The following LINGO1 variants were observed in gnomAD, a reference collection of about 807,000 sequenced individuals.
The protein encoded by LINGO1 is leucine rich repeat and Ig domain containing 1.
Under a neutral mutation model 37.3 loss-of-function variants are expected in LINGO1, and 11 were observed. The observed-to-expected ratio is 0.29, with a 90% CI of 0.19 to 0.49. The LOEUF is 0.49. Among genes scored for constraint, LINGO1 ranks in the 20% least tolerant of loss-of-function variants. The pLI is 0.99. For synonymous variants in LINGO1, 387 were observed against 403.0 expected (o/e 0.96, Z 0.48); for missense variants, 585 against 878.2 (o/e 0.67, Z 4.22).
rs769035783 is a variant in LINGO1, at chr15:77,614,944, C to A, written c.963G>T (p.Gly321=). ...LRLQEIQLVG[G]QLAVVEPYAF... is the part of the protein sequence containing the mutation. Reference sequence around the variant, plus strand: ...CATAGGGCTCCACCACGGCCAGCTGCCCGCCCACCAGCTGGATCTCCTGCA... The same window carrying A: ...CATAGGGCTCCACCACGGCCAGCTGACCGCCCACCAGCTGGATCTCCTGCA... The change falls in exon 2 of 2, where the codon GGG becomes GGT. Residue 321 remains glycine (G), a synonymous_variant. Transcript: ENST00000355300. 3.1e-6 allele frequency: 5 copies of A among 1,613,802 alleles called. No individual in the cohort carries two copies. Among genetic ancestry groups the A allele is most frequent in the Non-Finnish European group, 3.4e-6 (4 of 1,179,828 alleles).
intron 2 of LINGO1, among the ~76,000 whole-genome samples, chr15:77,685,626 G>A (rs912918253): frequency 1.3e-5 from 2 of 151,962 alleles, no homozygotes; most frequent in Non-Finnish European, 2.9e-5. Flanking sequence ...GGGAGGCTGA[G>A]GCGGGAAGAT....
Position 77,632,358 on chromosome 15 carries a change from A to C in LINGO1, c.-43T>G. 1.4e-6 allele frequency: 2 copies of C among 1,405,894 alleles called. No homozygotes were observed. Among genetic ancestry groups the C allele is most frequent in the Non-Finnish European group, 1.9e-6 (2 of 1,077,180 alleles). The allele number at this position is 1,405,894 out of a possible 1,614,324, so 87.1% of individuals were successfully genotyped here. A position where few individuals can be genotyped will look rare whatever the true frequency, so the allele number is the denominator to read the frequency against. On this transcript the variant is annotated 5_prime_UTR_variant, in exon 1 of 2. The change abolishes an upstream ATG in the 5' untranslated region. Coordinates refer to ENST00000355300, the MANE Select transcript of LINGO1 (RefSeq NM_032808.7). The surrounding 1 kb of genome is among the most constrained non-coding windows in gnomAD (Gnocchi z 6.0). ...TCCGCTCGGCTCGGTCACCAATCGC[A>C]TGTCTCTCCAGCCGGCCCGACCAGG...
intron 1 of LINGO1, among the ~76,000 whole-genome samples, chr15:77,740,418 A>G (rs2076251304): frequency 6.6e-6 from 1 of 152,050 alleles, no homozygotes. Context: ...TCTTGTCTCC[A>G]GCTTCTCCCT....
At chr15:77,759,558 G>A (rs1464447226) in intron 1 of LINGO1, among the ~76,000 whole-genome samples, 1 of 152,240 alleles carries the variant, frequency 6.6e-6, no homozygotes, top group Non-Finnish European at 1.5e-5. Context: ...CAGGACCAGT[G>A]CCCAGCACAC....
At chr15:77,800,432 C>T (rs1450940998) in intron 1 of LINGO1, among the ~76,000 whole-genome samples, 1 of 152,160 alleles carries the variant, frequency 6.6e-6, no homozygotes, top group African/African-American at 2.4e-5. Context: ...CCAAAGCCAG[C>T]TGGACAGAGG....
At chr15:77,659,413 C>G (rs371948519) in intron 3 of LINGO1, among the ~76,000 whole-genome samples, 1 of 152,126 alleles carries the variant, frequency 6.6e-6, no homozygotes, top group East Asian at 1.9e-4. Flanking sequence ...CAAGGACCCT[C>G]AAGCAGAGGT....
chr15:77,699,371 T>C (rs2075739223), upstream of LINGO1, among the ~76,000 whole-genome samples: 2 of 1,040 alleles, frequency 1.9e-3, no homozygotes, highest in African/African-American at 7.9e-3. Flanking sequence ...CTAACCATCA[T>C]CAGCACACAA....
At chr15:77,738,803 GGAAGGAAGGAAA>G (rs746100590) in intron 1 of LINGO1, among the ~76,000 whole-genome samples, 3 of 149,626 alleles carry the variant, frequency 2.0e-5, no homozygotes, top group Non-Finnish European at 3.0e-5. Context: ...AAGGAAGGAA[GGAAGGAAGGAAA>G]GAAGGAAGGA....
chr15:77,725,539 G>C (rs1191405301), intron 2 of LINGO1, among the ~76,000 whole-genome samples: 1 of 152,158 alleles, frequency 6.6e-6, no homozygotes, highest in East Asian at 1.9e-4. Context: ...CTCTAGCCTG[G>C]ACAACAGAGC....
chr15:77,694,333 A>G lies in LINGO1; in HGVS notation c.-281+2058T>C, dbSNP rs149600470. Reference sequence around the variant, plus strand: ...AGGGCAGCATGATCAGCCCAGTCTAACAGATGAGGAAACAGGCCCAGAGAG... The same window carrying G: ...AGGGCAGCATGATCAGCCCAGTCTAGCAGATGAGGAAACAGGCCCAGAGAG... On this transcript the variant is annotated intron_variant, in intron 1 of 3. Transcript: ENST00000559893. Among the ~76,000 whole-genome samples, 41 of 152,226 alleles carry G rather than the reference A, an allele frequency of 2.7e-4. No individual in the cohort carries two copies. In the East Asian group the frequency reaches 7.7e-3, roughly 29 times the overall value.
intron 2 of LINGO1, among the ~76,000 whole-genome samples, chr15:77,708,338 G>A (rs1047740588): frequency 3.9e-5 from 6 of 152,176 alleles, no homozygotes; most frequent in African/African-American, 7.2e-5. Flanking sequence ...GGAATCGGGA[G>A]GCTGGAACCC....
At chr15:77,820,467 A>G (rs1406729951), upstream of LINGO1, 2 of 152,266 alleles carry the variant, frequency 1.3e-5, no homozygotes, top group African/African-American at 2.4e-5. Context: ...TGGGCCGACA[A>G]TGGGTGTGCG....
At chr15:77,673,453 C>T (rs1203523330) in intron 3 of LINGO1, among the ~76,000 whole-genome samples, 1 of 148,730 alleles carries the variant, frequency 6.7e-6, no homozygotes, top group Non-Finnish European at 1.5e-5. Flanking sequence ...GACCTCGTTA[C>T]CGAGGCAGTG....
chr15:77,794,604 T>G (rs2076857095), intron 2 of LINGO1, among the ~76,000 whole-genome samples: 1 of 133,820 alleles, frequency 7.5e-6, no homozygotes, highest in Non-Finnish European at 1.6e-5. Flanking sequence ...TTTTTTTTTT[T>G]TGAGACGGAG....
At chr15:77,732,580 G>A (rs2076163758) in intron 2 of LINGO1, among the ~76,000 whole-genome samples, 1 of 152,346 alleles carries the variant, frequency 6.6e-6, no homozygotes, top group Admixed American at 6.5e-5. Flanking sequence ...AGTGCCAGGT[G>A]GACTGAGGTC....
At chr15:77,743,705 C>T (rs1051063171) in intron 1 of LINGO1, among the ~76,000 whole-genome samples, 6 of 152,016 alleles carry the variant, frequency 3.9e-5, no homozygotes, top group South Asian at 2.1e-4. Context: ...AACAAGCAAG[C>T]GGGGAGAACC....
At chr15:77,763,234 C>A (rs74027314) in intron 1 of LINGO1, among the ~76,000 whole-genome samples, 2 of 152,252 alleles carry the variant, frequency 1.3e-5, no homozygotes, top group East Asian at 1.9e-4. Context: ...CATACTGCCA[C>A]GCCAGGCTTG....
At chr15:77,666,424 G>A (rs2075131865) in intron 3 of LINGO1, among the ~76,000 whole-genome samples, 1 of 152,234 alleles carries the variant, frequency 6.6e-6, no homozygotes, top group South Asian at 2.1e-4. Context: ...TGAGTGTGCT[G>A]TCGTCACTAC....
At chr15:77,689,423 G>C (rs977972611) in intron 2 of LINGO1, among the ~76,000 whole-genome samples, 8 of 152,182 alleles carry the variant, frequency 5.3e-5, no homozygotes, top group African/African-American at 1.9e-4. Context: ...TGGCCGGTGC[G>C]CTACCCTGTC....
Sources: allele counts gnomAD v4.1 joint callset (sites outside exome capture counted in the v4.1 genomes callset), GRCh38; gene constraint gnomAD v4.1.1; non-coding constraint Gnocchi (gnomAD v3.1); transcripts MANE v1.5; gene names NCBI Gene and HGNC (gene_info 2026-07-23, HGNC 2026-07-21).